CELF5: variants seen among roughly 807,000 people sequenced by gnomAD.
CELF5 encodes CUG-BP and ETR-3 like factor 5.
CELF5 carries 6 observed loss-of-function variants against 54.9 expected under a neutral mutation model. The ratio of observed to expected loss-of-function variants is 0.11; its 90% CI spans 0.06 to 0.22. The LOEUF (loss-of-function observed/expected upper bound fraction) is 0.22. Ranked by LOEUF, CELF5 falls within the 10% of genes least tolerant of loss-of-function variation. The pLI is 1.00. For missense variants in CELF5, 401 were observed against 678.6 expected, an observed-to-expected ratio of 0.59 and a Z score of 4.54; for synonymous variants, 271 against 290.9, an observed-to-expected ratio of 0.93 and a Z score of 0.70.
At chr19:3,289,713 A>AAAAAG in intron 10 of CELF5, among the ~76,000 whole-genome samples, 1 of 149,260 alleles carries the variant, frequency 6.7e-6, no homozygotes, top group African/African-American at 2.5e-5. Context: ...AAAAAAAAAA[A>AAAAAG]AATTAGCAAC....
In CELF5 at chr19:3,282,376, G is replaced by C. The variant is rs1402009638; in HGVS notation, c.917G>C (p.Gly306Ala). ...ASGLHSPPLL[G>A]TTAVPGLVAP... Reference sequence around the variant, plus strand: ...GGGCTGCACTCACCCCCGCTGCTGGGCACCACCGCTGTGCCTGGCCTCGTG... The same window carrying C: ...GGGCTGCACTCACCCCCGCTGCTGGCCACCACCGCTGTGCCTGGCCTCGTG... The change falls in exon 8 of 13, where the codon GGC becomes GCC. Residue 306 changes from glycine (G) to alanine (A), a missense_variant. Around this residue, in one of 6 missense-constraint regions of CELF5, gnomAD observed 143 missense variants for 147.6 expected, o/e 0.97. Coordinates refer to ENST00000292672, the MANE Select transcript of CELF5 (RefSeq NM_021938.4). This position sits in a 1 kb window ranked among gnomAD's most constrained non-coding sequence, Gnocchi z 5.2. 2.5e-6 allele frequency: 4 copies of C among 1,610,608 alleles called. No individual in the cohort carries two copies. The highest frequency in any genetic ancestry group is 3.4e-6 in the Non-Finnish European group (4 of 1,180,014).
chr19:3,249,531 A>G (rs536850729), intron 1 of CELF5, among the ~76,000 whole-genome samples: 1 of 150,314 alleles, frequency 6.7e-6, no homozygotes, highest in Non-Finnish European at 1.5e-5. Context: ...ATGTTGCCCA[A>G]TCACAGCCTC....
chr19:3,248,902 C>T (rs561616471), intron 1 of CELF5, among the ~76,000 whole-genome samples: 30 of 122,848 alleles, frequency 2.4e-4, no homozygotes, highest in African/African-American at 5.6e-4. Context: ...TCCTTCCTTC[C>T]TTCCTTTCTT....
chr19:3,264,565 G>T (rs183365989), intron 2 of CELF5, among the ~76,000 whole-genome samples: 1 of 151,464 alleles, frequency 6.6e-6, no homozygotes, highest in African/African-American at 2.4e-5. Context: ...ACAGGCACCC[G>T]CCACCACGCC....
rs1424828851 is a variant in CELF5 at position 3,282,451 on chromosome 19, A to G, written c.992A>G (p.His331Arg). The change falls in exon 8 of 13, where the codon CAC becomes CGC. Residue 331 changes from histidine to arginine, a missense_variant. Coordinates refer to ENST00000292672, the MANE Select transcript of CELF5 (RefSeq NM_021938.4). This position sits in a 1 kb window ranked among gnomAD's most constrained non-coding sequence, Gnocchi z 5.2. ...GGTGTCGTGCCCTTTCCAGGTGGGC[A>G]CCCTGCCCTGGAAACCGTCTATGCC... ...FAGVVPFPGG[H>R]PALETVYANG... The G allele has an allele frequency of 2.8e-5, 45 of 1,613,578 alleles. No homozygotes were observed. The highest frequency in any genetic ancestry group is 3.7e-5 in the Non-Finnish European group (44 of 1,180,018).
intron 2 of CELF5, among the ~76,000 whole-genome samples, chr19:3,267,305 C>T (rs954989027): frequency 3.3e-5 from 5 of 151,898 alleles, no homozygotes; most frequent in South Asian, 2.1e-4. Context: ...TTCCGGTTCC[C>T]GCACAAGTGT....
At chr19:3,235,085 G>C (rs549499654) in intron 1 of CELF5, among the ~76,000 whole-genome samples, 1 of 151,964 alleles carries the variant, frequency 6.6e-6, no homozygotes, top group African/African-American at 2.4e-5. Flanking sequence ...CGCTCCCTCT[G>C]TTCCAGCCAC....
At chr19:3,236,324 G>T (rs1269517793) in intron 1 of CELF5, among the ~76,000 whole-genome samples, 1 of 152,184 alleles carries the variant, frequency 6.6e-6, no homozygotes, top group Non-Finnish European at 1.5e-5. Flanking sequence ...GGAGGGTCCT[G>T]TGTCCTTTTC....
At chr19:3,284,201 G>C (rs1456232879) in intron 8 of CELF5, among the ~76,000 whole-genome samples, 1 of 151,832 alleles carries the variant, frequency 6.6e-6, no homozygotes, top group African/African-American at 2.4e-5. Context: ...GTGTGTGCAG[G>C]GGCGGTTAAT....
intron 1 of CELF5, among the ~76,000 whole-genome samples, chr19:3,235,615 T>C (rs1599388217): frequency 1.4e-5 from 2 of 144,690 alleles, no homozygotes; most frequent in Admixed American, 1.4e-4. Context: ...GATGGGTGGA[T>C]GAATAGGTGG....
At chr19:3,225,461 C>CCG in intron 1 of CELF5, 2 of 342,096 alleles carry the variant, frequency 5.8e-6, no homozygotes, top group Non-Finnish European at 7.9e-6. Flanking sequence ...GCCGGCACCC[C>CCG]TCCCTGCCCC....
At chr19:3,293,550 G>A (rs1284548677) in intron 12 of CELF5, 64 bp downstream of exon 12, 11 of 1,352,212 alleles carry the variant, frequency 8.1e-6, no homozygotes, top group East Asian at 2.5e-5. Context: ...CCCCTCCCGC[G>A]GCCCACTTCA....
chr19:3,266,443 A>G (rs1010635140), intron 2 of CELF5, among the ~76,000 whole-genome samples: 3 of 151,578 alleles, frequency 2.0e-5, no homozygotes, highest in African/African-American at 7.3e-5. Flanking sequence ...AAAAAAGAAG[A>G]AGAAGAGGAA....
intron 2 of CELF5, among the ~76,000 whole-genome samples, chr19:3,270,210 C>T (rs936654438): frequency 6.6e-6 from 1 of 152,154 alleles, no homozygotes; most frequent in Non-Finnish European, 1.5e-5. Flanking sequence ...AGGGTCCTTC[C>T]TGGAGTTCCA....
chr19:3,288,523 A>AAAAC (rs529882719), intron 10 of CELF5, among the ~76,000 whole-genome samples: 5 of 150,458 alleles, frequency 3.3e-5, no homozygotes, highest in South Asian at 4.2e-4. Context: ...ACTCCATCTC[A>AAAAC]AAACAAACAA....
intron 2 of CELF5, among the ~76,000 whole-genome samples, chr19:3,257,922 C>T (rs947063699): frequency 6.6e-6 from 1 of 151,696 alleles, no homozygotes. Context: ...ACCTCAGCCT[C>T]CCAGGTAGCT....
intron 1 of CELF5, among the ~76,000 whole-genome samples, chr19:3,231,794 A>G (rs1917277483): frequency 6.8e-6 from 1 of 147,128 alleles, no homozygotes. Context: ...GAGTGCATGG[A>G]TGGATGGATG....
chr19:3,262,954 A>C (rs998879583), intron 2 of CELF5, among the ~76,000 whole-genome samples: 5 of 150,480 alleles, frequency 3.3e-5, no homozygotes, highest in Non-Finnish European at 5.9e-5. Context: ...ATTTTTAAAA[A>C]TTAAAAAAAT....
At chr19:3,264,372 T>C (rs1224852991) in intron 2 of CELF5, among the ~76,000 whole-genome samples, 1 of 151,868 alleles carries the variant, frequency 6.6e-6, no homozygotes, top group Non-Finnish European at 1.5e-5. Context: ...ATCTTTTATG[T>C]GTGCCTTCTT....
Sources: allele counts gnomAD v4.1 joint callset (sites outside exome capture counted in the v4.1 genomes callset), GRCh38; gene constraint gnomAD v4.1.1; regional missense constraint gnomAD v4.1.1; non-coding constraint Gnocchi (gnomAD v3.1); transcripts MANE v1.5; gene names NCBI Gene and HGNC (gene_info 2026-07-23, HGNC 2026-07-21).